The following AKAIN1 variants were observed in gnomAD, a reference collection of about 807,000 sequenced individuals.
AKAIN1 encodes the protein A-kinase anchor protein inhibitor 1.
AKAIN1 carries 3 observed loss-of-function variants against 3.7 expected under a neutral mutation model. That is an observed-to-expected ratio of 0.82 (90% CI 0.37 to 2.12). AKAIN1 has a LOEUF of 2.12. Ranked by LOEUF, AKAIN1 falls within the 30% of genes most tolerant of loss-of-function variation. The pLI, the probability that AKAIN1 is intolerant of heterozygous loss-of-function variation, is 0.06. For synonymous variants in AKAIN1, 31 were observed against 30.8 expected (o/e 1.01, Z -0.02); for missense variants, 82 against 82.7 (o/e 0.99, Z 0.03).
intron 1 of AKAIN1, among the ~76,000 whole-genome samples, chr18:5,152,755 C>T (rs969935794): frequency 6.6e-6 from 1 of 152,150 alleles, no homozygotes; most frequent in Non-Finnish European, 1.5e-5. Context: ...AGATCCACCC[C>T]TGAGTGGCAA....
intron 1 of AKAIN1, among the ~76,000 whole-genome samples, chr18:5,179,066 C>T (rs549273553): frequency 1.2e-4 from 19 of 152,156 alleles, no homozygotes; most frequent in South Asian, 2.1e-4. Flanking sequence ...TTTTTAAAAT[C>T]GACTAAGGAG....
At chr18:5,178,292 A>G (rs1286568275) in intron 1 of AKAIN1, among the ~76,000 whole-genome samples, 1 of 152,076 alleles carries the variant, frequency 6.6e-6, no homozygotes, top group Non-Finnish European at 1.5e-5. Context: ...TGGTGGCTGG[A>G]GCCTGTAATA....
Position 5,176,293 on chromosome 18 carries a change from G to A in AKAIN1, c.16+20745C>T, listed in dbSNP as rs117872027. Among the ~76,000 whole-genome samples the A allele has an allele frequency of 8.7e-3, 1,328 of 152,148 alleles. 14 individuals are homozygous for A. The highest frequency in any genetic ancestry group is 0.034 in the Middle Eastern group (10 of 294). On this transcript the variant is annotated intron_variant, in intron 1 of 1. Transcript: ENST00000434239. Reference sequence around the variant, plus strand: ...ATCTCTACTAAAAATGTAAAAACTAGCTGGGTGGTAGTGGTACATGCCTGT... The same window carrying A: ...ATCTCTACTAAAAATGTAAAAACTAACTGGGTGGTAGTGGTACATGCCTGT...
chr18:5,174,188 T>A (rs1231965028), intron 1 of AKAIN1, among the ~76,000 whole-genome samples: 4 of 152,110 alleles, frequency 2.6e-5, no homozygotes, highest in Admixed American at 2.6e-4. Context: ...GGAACAATCC[T>A]GAGGACCATT....
At chr18:5,196,935 C>G in intron 1 of AKAIN1, 103 bp downstream of exon 1, 3 of 1,069,192 alleles carry the variant, frequency 2.8e-6, no homozygotes, top group African/African-American at 1.6e-5. Flanking sequence ...CTCCGAAACG[C>G]GCAGATGGGC....
Position 5,145,503 on chromosome 18 carries a change from G to T in AKAIN1, c.*59C>A. The stretch of plus-strand genomic sequence containing the variant: ...TTTACTGGCAACATTTTGGAGATGC[G>T]TCCTATACTAAGAGGAAGGCTAGAA... On this transcript the variant is annotated 3_prime_UTR_variant, in exon 2 of 2. Transcript: ENST00000434239. 1 of 1,426,274 alleles carries T rather than the reference G, an allele frequency of 7.0e-7. No individual in the cohort carries two copies. The highest frequency in any genetic ancestry group is 9.6e-7 in the Non-Finnish European group (1 of 1,044,472). The allele number at this position is 1,426,274 out of a possible 1,614,324, so 88.4% of individuals were successfully genotyped here.
At chr18:5,192,755 T>C (rs140640120) in intron 1 of AKAIN1, among the ~76,000 whole-genome samples, 10 of 151,228 alleles carry the variant, frequency 6.6e-5, no homozygotes, top group African/African-American at 2.2e-4. Context: ...TCCATGGGGA[T>C]AGGAAAGAGA....
chr18:5,151,276 T>C (rs1435161901), intron 1 of AKAIN1, among the ~76,000 whole-genome samples: 1 of 152,142 alleles, frequency 6.6e-6, no homozygotes, highest in Non-Finnish European at 1.5e-5. Flanking sequence ...AAGAACTAAT[T>C]CTGGGCCCTT....
chr18:5,192,456 C>CTCTTTTT (rs2071327222), intron 1 of AKAIN1, among the ~76,000 whole-genome samples: 1 of 134,426 alleles, frequency 7.4e-6, no homozygotes, highest in Non-Finnish European at 1.6e-5. Flanking sequence ...TTTTTCTTTT[C>CTCTTTTT]TTTGGTAGAG....
intron 1 of AKAIN1, among the ~76,000 whole-genome samples, chr18:5,185,690 T>A (rs1156907166): frequency 6.6e-6 from 1 of 151,862 alleles, no homozygotes; most frequent in African/African-American, 2.4e-5. Context: ...AAGACAAAAA[T>A]AACAGATGCT....
chr18:5,174,019 T>C (rs1316002563), intron 1 of AKAIN1, among the ~76,000 whole-genome samples: 1 of 152,132 alleles, frequency 6.6e-6, no homozygotes, highest in Non-Finnish European at 1.5e-5. Context: ...AGCCCTCCCC[T>C]TGTATTCATT....
At chr18:5,173,976 G>C (rs976617251) in intron 1 of AKAIN1, among the ~76,000 whole-genome samples, 2 of 152,106 alleles carry the variant, frequency 1.3e-5, no homozygotes, top group African/African-American at 4.8e-5. Context: ...GACAACAAAA[G>C]TCTAAGGAAG....
Position 5,147,891 on chromosome 18 carries a change from A to G in AKAIN1, c.17-2136T>C, listed in dbSNP as rs2143305307. On this transcript the variant is annotated intron_variant, in intron 1 of 1. Coordinates refer to ENST00000434239, the MANE Select transcript of AKAIN1 (RefSeq NM_001145194.2). ...AGAAGAATAGAAATTTTTCTATATG[A>G]AGAGTCACGAAGGCATAGCTATCAA... 1.3e-5 allele frequency among the ~76,000 whole-genome samples: 2 copies of G among 152,350 alleles called. 1 individual carries two copies. The highest frequency in any genetic ancestry group is 6.8e-3 in the Middle Eastern group (2 of 294).
chr18:5,184,047 C>T (rs1197201337), intron 1 of AKAIN1, among the ~76,000 whole-genome samples: 1 of 152,006 alleles, frequency 6.6e-6, no homozygotes, highest in African/African-American at 2.4e-5. Context: ...ATATGAAACA[C>T]ATGGCACTAA....
chr18:5,155,120 A>T (rs2071100002), intron 1 of AKAIN1, among the ~76,000 whole-genome samples: 1 of 152,084 alleles, frequency 6.6e-6, no homozygotes, highest in Non-Finnish European at 1.5e-5. Flanking sequence ...TCCTGGGCTC[A>T]AGTAATCTGC....
chr18:5,150,411 T>C (rs2071073572), intron 1 of AKAIN1, among the ~76,000 whole-genome samples: 1 of 152,248 alleles, frequency 6.6e-6, no homozygotes, highest in African/African-American at 2.4e-5. Context: ...CTTTAAATGA[T>C]GCAAACATCC....
chr18:5,146,738 C>T (rs181347435), intron 1 of AKAIN1, among the ~76,000 whole-genome samples: 5 of 152,262 alleles, frequency 3.3e-5, no homozygotes, highest in East Asian at 3.9e-4. Context: ...GTTCATGGGT[C>T]GTACAACTTC....
intron 1 of AKAIN1, among the ~76,000 whole-genome samples, chr18:5,176,909 A>G (rs911869329): frequency 6.6e-6 from 1 of 152,090 alleles, no homozygotes; most frequent in African/African-American, 2.4e-5. Flanking sequence ...GCACCTATAT[A>G]CAGTCTGGAA....
At chr18:5,167,162 A>G (rs570460582) in intron 1 of AKAIN1, among the ~76,000 whole-genome samples, 1 of 152,222 alleles carries the variant, frequency 6.6e-6, no homozygotes, top group African/African-American at 2.4e-5. Flanking sequence ...GATACTTGAT[A>G]TATGGTAAAT....
Sources: allele counts gnomAD v4.1 joint callset (sites outside exome capture counted in the v4.1 genomes callset), GRCh38; gene constraint gnomAD v4.1.1; transcripts MANE v1.5; gene names NCBI Gene and HGNC (gene_info 2026-07-23, HGNC 2026-07-21).